UVRAG: variants seen among roughly 807,000 people sequenced by gnomAD.
UVRAG encodes the protein UV radiation resistance-associated gene protein.
In UVRAG, 19 loss-of-function variants were observed where a neutral mutation model predicts 78.0. The observed-to-expected ratio is 0.24, with a 90% CI of 0.17 to 0.36. The LOEUF is 0.36. Ranked by LOEUF, UVRAG falls within the 10% of genes least tolerant of loss-of-function variation. The probability of loss-of-function intolerance (pLI) is 1.00; values close to 1 mark genes in which losing one functional copy is unlikely to be tolerated. For missense variants in UVRAG, 740 were observed against 853.8 expected (o/e 0.87, Z 1.66); for synonymous variants, 323 against 324.6 (o/e 1.00, Z 0.05).
intron 6 of UVRAG, among the ~76,000 whole-genome samples, chr11:75,949,769 A>G (rs975842151): frequency 6.7e-6 from 1 of 148,346 alleles, no homozygotes; most frequent in African/African-American, 2.6e-5. Flanking sequence ...GTATACATAT[A>G]TACACATATA....
intron 6 of UVRAG, among the ~76,000 whole-genome samples, chr11:75,950,552 C>A (rs1948671071): frequency 6.6e-6 from 1 of 152,180 alleles, no homozygotes; most frequent in Non-Finnish European, 1.5e-5. Context: ...CCGCACCCAG[C>A]CCACATTATA....
intron 6 of UVRAG, among the ~76,000 whole-genome samples, chr11:75,939,095 T>C (rs117516473): frequency 1.3e-5 from 2 of 152,284 alleles, no homozygotes; most frequent in Non-Finnish European, 2.9e-5. Context: ...CCTAGGGTTT[T>C]TTTTTTTAAG....
intron 12 of UVRAG, among the ~76,000 whole-genome samples, chr11:76,050,016 A>G (rs1307594474): frequency 1.3e-5 from 2 of 152,190 alleles, no homozygotes; most frequent in Non-Finnish European, 2.9e-5. Flanking sequence ...ATAAAGTATA[A>G]TAAGTACAAT....
chr11:75,842,766 C>A (rs997271036), intron 1 of UVRAG, among the ~76,000 whole-genome samples: 2 of 152,118 alleles, frequency 1.3e-5, no homozygotes, highest in Non-Finnish European at 2.9e-5. Context: ...ATCCTTTGCC[C>A]CTTTTTCGTT....
At chr11:75,915,171 G>C (rs979191489) in intron 6 of UVRAG, 7 of 152,388 alleles carry the variant, frequency 4.6e-5, no homozygotes, top group Non-Finnish European at 1.0e-4. Flanking sequence ...TTGAACCTGG[G>C]AGGCGGAGGT....
intron 12 of UVRAG, among the ~76,000 whole-genome samples, chr11:76,047,659 G>A (rs1950785991): frequency 6.6e-6 from 1 of 152,162 alleles, no homozygotes; most frequent in Admixed American, 6.5e-5. Context: ...AGGTATAGCT[G>A]TTATCTTTTT....
At chr11:75,922,886 T>C (rs1165802693) in intron 6 of UVRAG, among the ~76,000 whole-genome samples, 1 of 149,446 alleles carries the variant, frequency 6.7e-6, no homozygotes, top group Non-Finnish European at 1.5e-5. Context: ...TGAGCCGAGA[T>C]TGCACCACTG....
chr11:75,964,172 A>T (rs768204160), intron 7 of UVRAG, among the ~76,000 whole-genome samples: 1 of 152,220 alleles, frequency 6.6e-6, no homozygotes, highest in South Asian at 2.1e-4. Context: ...GAAATTGTGC[A>T]TATGTATTTA....
intron 6 of UVRAG, among the ~76,000 whole-genome samples, chr11:75,937,379 G>A (rs141666446): frequency 2.0e-5 from 3 of 152,026 alleles, no homozygotes; most frequent in Admixed American, 6.6e-5. Context: ...ATTTATTTTC[G>A]TCTGGTATCA....
chr11:75,876,737 C>T (rs751812435), intron 3 of UVRAG, among the ~76,000 whole-genome samples: 1 of 149,768 alleles, frequency 6.7e-6, no homozygotes, highest in Non-Finnish European at 1.5e-5. Context: ...CAGTTAGTTA[C>T]CCTTATCTGA....
At chr11:75,961,589 T>G (rs1423510829) in intron 7 of UVRAG, 40 bp downstream of exon 7, 5 of 1,475,952 alleles carry the variant, frequency 3.4e-6, no homozygotes, top group Non-Finnish European at 3.7e-6. Context: ...CTTCTTGTTT[T>G]CTAAAGGAGA....
chr11:75,966,257 A>C (rs910595789), intron 7 of UVRAG, among the ~76,000 whole-genome samples: 2 of 152,030 alleles, frequency 1.3e-5, no homozygotes, highest in Admixed American at 6.5e-5. Context: ...TATTCTTATA[A>C]ATTTTTTTCC....
chr11:75,965,262 C>T (rs556815333), intron 7 of UVRAG, among the ~76,000 whole-genome samples: 4 of 152,318 alleles, frequency 2.6e-5, no homozygotes, highest in East Asian at 1.9e-4. Flanking sequence ...CTCTAATTCT[C>T]TTTATAATGT....
chr11:75,828,336 C>T (rs1337109796), intron 1 of UVRAG, among the ~76,000 whole-genome samples: 2 of 151,486 alleles, frequency 1.3e-5, no homozygotes, highest in African/African-American at 2.4e-5. Context: ...AATTGGGTGC[C>T]GTGCTATGCA....
chr11:76,013,928 C>T (rs114146258), intron 11 of UVRAG, among the ~76,000 whole-genome samples: 111 of 152,252 alleles, frequency 7.3e-4, no homozygotes, highest in African/African-American at 2.6e-3. Context: ...AGCACTATGG[C>T]CTGGAATGGG....
intron 6 of UVRAG, among the ~76,000 whole-genome samples, chr11:75,922,902 C>T (rs917776729): frequency 1.1e-4 from 16 of 148,698 alleles, no homozygotes; most frequent in African/African-American, 4.0e-4. Context: ...CACTGCACCC[C>T]AGTCTGGGCG....
chr11:75,829,677 T>C (rs1291213931), intron 1 of UVRAG, among the ~76,000 whole-genome samples: 2 of 152,200 alleles, frequency 1.3e-5, no homozygotes, highest in African/African-American at 4.8e-5. Flanking sequence ...CATGTTTCTG[T>C]CTCAGCGGGC....
In UVRAG at chr11:75,884,059, T is replaced by C. The variant is rs75956078; in HGVS notation, c.432+4019T>C. Among the ~76,000 whole-genome samples the C allele has an allele frequency of 1.1e-3, 161 of 152,318 alleles. 5 individuals are homozygous for C. The East Asian group carries it at 0.025, about 24-fold the overall frequency. ...ACATCCTGCATTCCCATCAGCAATGTATAATAGTTCTGTTTGTTTCACATC... is the reference window on the plus strand; with the variant it reads ...ACATCCTGCATTCCCATCAGCAATGCATAATAGTTCTGTTTGTTTCACATC... On this transcript the variant is annotated intron_variant, in intron 4 of 14. Coordinates refer to ENST00000356136, the MANE Select transcript of UVRAG (RefSeq NM_003369.4).
chr11:76,121,238 G>T (rs557142577), intron 14 of UVRAG, among the ~76,000 whole-genome samples: 1 of 152,272 alleles, frequency 6.6e-6, no homozygotes, highest in South Asian at 2.1e-4. Flanking sequence ...CATTTTTTAT[G>T]AACACAGTTG....
Sources: allele counts gnomAD v4.1 joint callset (sites outside exome capture counted in the v4.1 genomes callset), GRCh38; gene constraint gnomAD v4.1.1; transcripts MANE v1.5; gene names NCBI Gene and HGNC (gene_info 2026-07-23, HGNC 2026-07-21).